The following CACNA1A variants were observed in gnomAD, a reference collection of about 807,000 sequenced individuals.
CACNA1A encodes the protein calcium voltage-gated channel subunit alpha1 A.
In CACNA1A, 57 loss-of-function variants were observed where a neutral mutation model predicts 262.4. The observed-to-expected ratio is 0.22, with a 90% CI of 0.18 to 0.27. CACNA1A has a LOEUF of 0.27. Ranked by LOEUF, CACNA1A falls within the 10% of genes least tolerant of loss-of-function variation. The pLI, the probability that CACNA1A is intolerant of heterozygous loss-of-function variation, is 1.00. For missense variants in CACNA1A, 2,526 were observed against 3,562.8 expected, an observed-to-expected ratio of 0.71 and a Z score of 7.41; for synonymous variants, 1,431 against 1,419.3, an observed-to-expected ratio of 1.01 and a Z score of -0.18.
At chr19:13,503,010 T>C (rs143663520) in intron 1 of CACNA1A, among the ~76,000 whole-genome samples, 8 of 152,166 alleles carry the variant, frequency 5.3e-5, no homozygotes, top group Admixed American at 1.3e-4. Flanking sequence ...CCACAACACA[T>C]GCATCAAAAA....
At chr19:13,476,925 A>G (rs1366290821) in intron 1 of CACNA1A, among the ~76,000 whole-genome samples, 1 of 152,044 alleles carries the variant, frequency 6.6e-6, no homozygotes, top group Non-Finnish European at 1.5e-5. Context: ...AGAGGAGCCT[A>G]TGAATATCTG....
At chr19:13,401,115 T>C (rs1258240693) in intron 3 of CACNA1A, among the ~76,000 whole-genome samples, 1 of 152,212 alleles carries the variant, frequency 6.6e-6, no homozygotes, top group African/African-American at 2.4e-5. Flanking sequence ...TGAGCCACTG[T>C]TGCCTGTCCA....
intron 1 of CACNA1A, among the ~76,000 whole-genome samples, chr19:13,503,705 G>A (rs1304138624): frequency 6.9e-6 from 1 of 145,280 alleles, no homozygotes; most frequent in African/African-American, 2.6e-5. Flanking sequence ...CCAGCTCGAT[G>A]ACAGATTGTG....
At chr19:13,378,322 G>T (rs1362818476) in intron 3 of CACNA1A, among the ~76,000 whole-genome samples, 6 of 152,214 alleles carry the variant, frequency 3.9e-5, no homozygotes, top group Non-Finnish European at 7.3e-5. Context: ...GACAACATGA[G>T]ATTTAGAATA....
chr19:13,324,330 T>C (rs993611529), intron 10 of CACNA1A, among the ~76,000 whole-genome samples: 11 of 152,184 alleles, frequency 7.2e-5, no homozygotes, highest in African/African-American at 2.4e-4. Context: ...TTGCATTGCA[T>C]TGCATTGCAT....
intron 6 of CACNA1A, among the ~76,000 whole-genome samples, chr19:13,352,198 G>A (rs1340393187): frequency 1.3e-5 from 2 of 152,048 alleles, no homozygotes; most frequent in African/African-American, 4.8e-5. Flanking sequence ...TTGAACTTAC[G>A]AGTTCGAGAC....
rs141030551 is a variant in CACNA1A, at chr19:13,488,792, G to C, written c.293+17140C>G. ...GAGCAGATTGGGATTGAGCAGGTCTGGGGTAGGGGATGAGATTCTGCATTT... is the reference window on the plus strand; with the variant it reads ...GAGCAGATTGGGATTGAGCAGGTCTCGGGTAGGGGATGAGATTCTGCATTT... On this transcript the variant is annotated intron_variant, in intron 1 of 46. Transcript: ENST00000360228. Among the ~76,000 whole-genome samples the C allele has an allele frequency of 9.7e-4, 147 of 152,006 alleles. 1 individual carries two copies. The highest frequency in any genetic ancestry group is 3.5e-3 in the African/African-American group (143 of 41,444).
At chr19:13,454,272 C>T (rs2144943203) in intron 2 of CACNA1A, among the ~76,000 whole-genome samples, 1 of 151,720 alleles carries the variant, frequency 6.6e-6, no homozygotes, top group East Asian at 2.0e-4. Flanking sequence ...CAGTCCCCCT[C>T]CTGAAGCTAC....
At chr19:13,284,229 A>G (rs1319454604) in intron 21 of CACNA1A, 1 of 152,210 alleles carries the variant, frequency 6.6e-6, no homozygotes, top group Admixed American at 6.5e-5. Flanking sequence ...GCATAGTAAC[A>G]ACCTCAGAGA....
intron 24 of CACNA1A, among the ~76,000 whole-genome samples, chr19:13,266,423 T>C (rs2056865569): frequency 6.6e-6 from 1 of 152,148 alleles, no homozygotes; most frequent in Non-Finnish European, 1.5e-5. Context: ...AGAAAAAAAG[T>C]CAAGGAACTG....
chr19:13,287,139 G>A (rs933155212), intron 19 of CACNA1A, among the ~76,000 whole-genome samples, 173 bp from the exon 20 acceptor site: 6 of 152,124 alleles, frequency 3.9e-5, no homozygotes, highest in African/African-American at 1.4e-4. Context: ...ATTGCTTAAG[G>A]CCAGGAGTTC....
At chr19:13,468,013 C>A (rs1403254021) in intron 1 of CACNA1A, among the ~76,000 whole-genome samples, 3 of 151,586 alleles carry the variant, frequency 2.0e-5, no homozygotes, top group Non-Finnish European at 4.4e-5. Flanking sequence ...GAAATTAAAT[C>A]CATAATTTAA....
chr19:13,256,255 C>CT (rs1417077617), intron 28 of CACNA1A: 3 of 152,024 alleles, frequency 2.0e-5, no homozygotes, highest in Non-Finnish European at 4.4e-5. Context: ...GCCTTGGCCT[C>CT]CTAAAGTGTT....
intron 15 of CACNA1A, among the ~76,000 whole-genome samples, chr19:13,305,335 G>A (rs1411238128): frequency 1.3e-5 from 2 of 152,194 alleles, no homozygotes; most frequent in African/African-American, 4.8e-5. Context: ...ACCAGAGAAA[G>A]ACCAAGGCAA....
chr19:13,376,540 A>T (rs1473219870), intron 3 of CACNA1A, among the ~76,000 whole-genome samples: 1 of 149,996 alleles, frequency 6.7e-6, no homozygotes, highest in Non-Finnish European at 1.5e-5. Flanking sequence ...CTCAGAAAAA[A>T]ATATATATAT....
intron 11 of CACNA1A, among the ~76,000 whole-genome samples, chr19:13,314,643 G>C (rs535853811): frequency 1.3e-5 from 2 of 152,270 alleles, no homozygotes; most frequent in East Asian, 3.9e-4. Flanking sequence ...CCAGCCTCCA[G>C]AACTGTGAGA....
chr19:13,319,972 G>A (rs1502020), intron 10 of CACNA1A, among the ~76,000 whole-genome samples: 42,768 of 151,884 alleles, frequency 0.28, 6,470 homozygotes, highest in East Asian at 0.41. Context: ...ATGGGGCAGG[G>A]GCACATTCCA....
intron 19 of CACNA1A, among the ~76,000 whole-genome samples, chr19:13,287,554 T>C (rs2057432187): frequency 6.6e-6 from 1 of 152,094 alleles, no homozygotes; most frequent in African/African-American, 2.4e-5. Context: ...TGCTCTGTCG[T>C]ACAGTGGCGT....
intron 3 of CACNA1A, among the ~76,000 whole-genome samples, chr19:13,413,895 A>AAGAAAGAAAG (rs1183097814): frequency 1.7e-5 from 2 of 119,136 alleles, no homozygotes; most frequent in East Asian, 2.6e-4. Flanking sequence ...GAAAGAAAGA[A>AAGAAAGAAAG]AAAGAAAGAA....
Sources: allele counts gnomAD v4.1 joint callset (sites outside exome capture counted in the v4.1 genomes callset), GRCh38; gene constraint gnomAD v4.1.1; transcripts MANE v1.5; gene names NCBI Gene and HGNC (gene_info 2026-07-23, HGNC 2026-07-21).